FREM2: variants seen among roughly 807,000 people sequenced by gnomAD.
FREM2 encodes the protein FRAS1 related extracellular matrix 2.
FREM2 carries 119 observed loss-of-function variants against 219.9 expected under a neutral mutation model. The ratio of observed to expected loss-of-function variants is 0.54; its 90% CI spans 0.47 to 0.63. The LOEUF is 0.63. Ranked by LOEUF, FREM2 falls within the 30% of genes least tolerant of loss-of-function variation. The pLI is 0.00. For synonymous variants in FREM2, 1,562 were observed against 1,522.8 expected (o/e 1.03, Z -0.60); for missense variants, 4,030 against 3,993.6 (o/e 1.01, Z -0.25).
chr13:38,751,503 A>G (rs1872764628), intron 2 of FREM2, among the ~76,000 whole-genome samples: 1 of 152,014 alleles, frequency 6.6e-6, no homozygotes, highest in African/African-American at 2.4e-5. Flanking sequence ...GTTTTCTTGC[A>G]GTTCCTTCCT....
At position 38,697,679 on chromosome 13, in the gene FREM2, T is replaced by G. The variant is rs758156028; in HGVS notation, c.5174-19T>G. ...TTTACTCTGGTAATTAATCATCTTG[T>G]TTTTTGGTTATTTTCTAGCTGACAT... is the stretch of plus-strand genomic sequence containing the variant. On this transcript the variant is annotated intron_variant, in intron 1 of 23. Transcript: ENST00000280481. 2 of 1,413,396 alleles carry G rather than the reference T, an allele frequency of 1.4e-6. No individual in the cohort carries two copies. Among genetic ancestry groups the G allele is most frequent in the Non-Finnish European group, 1.0e-6 (1 of 997,308 alleles). The allele number at this position is 1,413,396 out of a possible 1,614,324, so 87.6% of individuals were successfully genotyped here.
chr13:38,738,222 T>A (rs574142442), intron 2 of FREM2, among the ~76,000 whole-genome samples: 1 of 152,008 alleles, frequency 6.6e-6, no homozygotes, highest in African/African-American at 2.4e-5. Flanking sequence ...TTTGGACATA[T>A]GAAAATTTCA....
intron 22 of FREM2, 100 bp from the exon 23 acceptor site, chr13:38,878,731 T>C: frequency 8.5e-7 from 1 of 1,178,798 alleles, no homozygotes; most frequent in Non-Finnish European, 1.3e-6. Flanking sequence ...TGACATTTTA[T>C]AGTAATTTGT....
chr13:38,851,192 T>G, intron 10 of FREM2, 84 bp downstream of exon 10: 1 of 1,341,362 alleles, frequency 7.5e-7, no homozygotes, highest in South Asian at 1.2e-5. Context: ...CTCAGAAAAA[T>G]GCCCCCACCT....
Position 38,857,907 on chromosome 13 carries a change from G to A in FREM2, c.7089G>A (p.Met2363Ile), listed in dbSNP as rs1877621232. The A allele has an allele frequency of 6.2e-7, 1 of 1,613,768 alleles. No homozygotes were observed. The highest frequency in any genetic ancestry group is 8.5e-7 in the Non-Finnish European group (1 of 1,179,672). ...LTKAIVYIEE[M>I]SSMADVTFPS... ...AAGCCATTGTGTACATAGAAGAAAT[G>A]AGCAGCATGGCAGATGTCACTTTTC... The change falls in exon 13 of 24, where the codon ATG becomes ATA. Residue 2363 changes from methionine (M) to isoleucine (I), a missense_variant. Transcript: ENST00000280481.
At chr13:38,792,357 A>G (rs9532278) in intron 6 of FREM2, among the ~76,000 whole-genome samples, 73,865 of 151,950 alleles carry the variant, frequency 0.49, 20,616 homozygotes, top group Non-Finnish European at 0.64. Flanking sequence ...CAAAAAATAT[A>G]TTTTAAAAAA....
At position 38,765,182 on chromosome 13, in the gene FREM2, T is replaced by A. The variant is rs555264451; in HGVS notation, c.5410+732T>A. 3.0e-4 allele frequency among the ~76,000 whole-genome samples: 46 copies of A among 152,334 alleles called. 1 individual carries two copies. Among genetic ancestry groups the A allele is most frequent in the African/African-American group, 9.4e-4 (39 of 41,578 alleles). On this transcript the variant is annotated intron_variant, in intron 3 of 23. Coordinates refer to ENST00000280481, the MANE Select transcript of FREM2 (RefSeq NM_207361.6). ...ACCTCGGCCTCCCAAAGTGCTGGGATTACAGGCGTGAGCCACCGCGCCCGG... is the reference window on the plus strand; with the variant it reads ...ACCTCGGCCTCCCAAAGTGCTGGGAATACAGGCGTGAGCCACCGCGCCCGG...
chr13:38,767,623 C>A (rs576591463), intron 3 of FREM2, among the ~76,000 whole-genome samples: 2 of 152,218 alleles, frequency 1.3e-5, no homozygotes, highest in Non-Finnish European at 2.9e-5. Context: ...GGTCAGTGAG[C>A]AGCATGTGTT....
At chr13:38,748,364 T>G (rs1010377461) in intron 2 of FREM2, among the ~76,000 whole-genome samples, 1 of 152,216 alleles carries the variant, frequency 6.6e-6, no homozygotes, top group Admixed American at 6.5e-5. Flanking sequence ...TAAATTGTAT[T>G]TGGATTTGTT....
intron 2 of FREM2, among the ~76,000 whole-genome samples, chr13:38,712,684 A>G (rs1159788483): frequency 6.6e-6 from 1 of 151,750 alleles, no homozygotes; most frequent in Non-Finnish European, 1.5e-5. Flanking sequence ...ACAAACACAC[A>G]CACACACAAG....
intron 2 of FREM2, among the ~76,000 whole-genome samples, chr13:38,754,551 A>G (rs1872904470): frequency 6.6e-6 from 1 of 152,170 alleles, no homozygotes; most frequent in South Asian, 2.1e-4. Flanking sequence ...GGGTAGTTTA[A>G]TCTGACACTG....
Position 38,688,788 on chromosome 13 carries a change from G to C in FREM2, c.1444G>C (p.Glu482Gln). The C allele has an allele frequency of 1.2e-6, 2 of 1,614,112 alleles. No homozygotes were observed. Among genetic ancestry groups the C allele is most frequent in the Non-Finnish European group, 1.7e-6 (2 of 1,180,042 alleles). Residue 482 changes from glutamate to glutamine, a missense_variant, in exon 1 of 24, where the codon GAG (glutamate) becomes CAG (glutamine). Physicochemically the swap from Glu to Gln is conservative, Grantham distance 29. Transcript: ENST00000280481. ...GGATGACCTAGAAGCAGTGCGGCTAGAGGTGGTGGCTGGGCTCCGGCATGG... is the reference window on the plus strand; with the variant it reads ...GGATGACCTAGAAGCAGTGCGGCTACAGGTGGTGGCTGGGCTCCGGCATGG... ...DEDDLEAVRLEVVAGLRHGHL... is the reference protein window; with the variant it reads ...DEDDLEAVRLQVVAGLRHGHL...
At chr13:38,745,663 C>T (rs1225532865) in intron 2 of FREM2, among the ~76,000 whole-genome samples, 1 of 152,122 alleles carries the variant, frequency 6.6e-6, no homozygotes, top group African/African-American at 2.4e-5. Flanking sequence ...AAACAGTTGG[C>T]TTTTATTGTT....
At chr13:38,714,657 A>T (rs1333491297) in intron 2 of FREM2, among the ~76,000 whole-genome samples, 1 of 152,212 alleles carries the variant, frequency 6.6e-6, no homozygotes, top group Non-Finnish European at 1.5e-5. Flanking sequence ...GCTAGATTTG[A>T]TTATTCCACA....
Position 38,784,745 on chromosome 13 carries a change from G to A in FREM2, c.5956G>A (p.Gly1986Arg). The A allele has an allele frequency of 4.3e-6, 7 of 1,614,140 alleles. No individual in the cohort carries two copies. The highest frequency in any genetic ancestry group is 5.9e-6 in the Non-Finnish European group (7 of 1,179,994). ...TFHVLLSMPM[G>R]GRIGSEFPGA... ...CCATGTCCTTCTGAGCATGCCCATG[G>A]GGGGAAGAATCGGATCAGAGTTCCC... The change falls in exon 6 of 24, where the codon GGG (glycine) becomes AGG (arginine). Residue 1986 changes from glycine to arginine, a missense_variant. Coordinates refer to ENST00000280481, the MANE Select transcript of FREM2 (RefSeq NM_207361.6).
At chr13:38,853,137 G>C (rs999491177) in intron 11 of FREM2, among the ~76,000 whole-genome samples, 2 of 151,706 alleles carry the variant, frequency 1.3e-5, no homozygotes, top group African/African-American at 4.8e-5. Flanking sequence ...AGACCAGCCT[G>C]ACCAACATGG....
rs755325378 is a variant in FREM2 at position 38,777,340 on chromosome 13, G to C, written c.5642-5730G>C. ...TCAATTTAGCCTTTTGTTTTTCTCT[G>C]GTGTAAGTGATGCTCCCACTCCTGG... On this transcript the variant is annotated intron_variant, in intron 4 of 23. Transcript: ENST00000280481. Among the ~76,000 whole-genome samples the C allele has an allele frequency of 3.2e-4, 49 of 151,988 alleles. 1 individual carries two copies. Among genetic ancestry groups the C allele is most frequent in the Admixed American group, 7.9e-4 (12 of 15,238 alleles).
At chr13:38,699,893 T>A (rs1870273594) in intron 2 of FREM2, among the ~76,000 whole-genome samples, 1 of 152,104 alleles carries the variant, frequency 6.6e-6, no homozygotes, top group Non-Finnish European at 1.5e-5. Context: ...TAGTGATTTA[T>A]TGTCGTCTAG....
intron 2 of FREM2, among the ~76,000 whole-genome samples, chr13:38,761,621 A>T (rs1008573181): frequency 1.3e-5 from 2 of 152,320 alleles, no homozygotes; most frequent in South Asian, 4.1e-4. Context: ...ATATGAGAGG[A>T]TACCCACTAA....
Sources: allele counts gnomAD v4.1 joint callset (sites outside exome capture counted in the v4.1 genomes callset), GRCh38; gene constraint gnomAD v4.1.1; transcripts MANE v1.5; gene names NCBI Gene and HGNC (gene_info 2026-07-23, HGNC 2026-07-21).